HHAT: variants seen among roughly 807,000 people sequenced by gnomAD.
HHAT encodes the protein protein-cysteine N-palmitoyltransferase HHAT.
A neutral mutation model predicts 70.8 loss-of-function variants in HHAT; 47 were observed. That is an observed-to-expected ratio of 0.66 (90% CI 0.53 to 0.85). The LOEUF (loss-of-function observed/expected upper bound fraction) is 0.85, where lower values mean the gene tolerates loss of function less well. HHAT is among the 40% of genes least tolerant of loss of function. The pLI is 0.00. For synonymous variants in HHAT, 228 were observed against 247.6 expected (o/e 0.92, Z 0.74); for missense variants, 609 against 604.8 (o/e 1.01, Z -0.07).
At chr1:210,530,909 CT>C (rs1309063473) in intron 9 of HHAT, among the ~76,000 whole-genome samples, 1 of 152,090 alleles carries the variant, frequency 6.6e-6, no homozygotes, top group Non-Finnish European at 1.5e-5. Context: ...GTCACAATTT[CT>C]GTTTTATAAG....
At chr1:210,560,755 G>A (rs2095613914) in intron 9 of HHAT, among the ~76,000 whole-genome samples, 1 of 129,026 alleles carries the variant, frequency 7.8e-6, no homozygotes, top group Non-Finnish European at 1.6e-5. Context: ...TGAGGCTACA[G>A]TGAGCTATGA....
chr1:210,452,858 T>G (rs2093782220), intron 7 of HHAT, among the ~76,000 whole-genome samples: 1 of 152,124 alleles, frequency 6.6e-6, no homozygotes, highest in African/African-American at 2.4e-5. Context: ...AAAGTGAAAA[T>G]AATTGAAAGT....
intron 10 of HHAT, among the ~76,000 whole-genome samples, chr1:210,601,937 CAGAGAG>C (rs147826172): frequency 2.7e-5 from 4 of 147,214 alleles, no homozygotes; most frequent in African/African-American, 5.1e-5. Flanking sequence ...ATTTGAGACT[CAGAGAG>C]AGAGAGAGAG....
intron 9 of HHAT, among the ~76,000 whole-genome samples, chr1:210,539,566 C>T (rs529333277): frequency 1.7e-4 from 26 of 152,222 alleles, no homozygotes; most frequent in Non-Finnish European, 2.8e-4. Context: ...GATTCTTCTT[C>T]GAGGATTTTG....
intron 8 of HHAT, among the ~76,000 whole-genome samples, chr1:210,490,857 T>G (rs1326356687): frequency 6.6e-6 from 1 of 152,142 alleles, no homozygotes; most frequent in African/African-American, 2.4e-5. Context: ...TTTTTACTTT[T>G]CAAGTAGAAA....
chr1:210,561,611 TA>T (rs1179634025), intron 9 of HHAT, among the ~76,000 whole-genome samples: 3 of 152,242 alleles, frequency 2.0e-5, no homozygotes, highest in Non-Finnish European at 4.4e-5. Flanking sequence ...CACATTACCT[TA>T]AACTGCTGTC....
At chr1:210,485,533 T>C (rs1222145796) in intron 8 of HHAT, among the ~76,000 whole-genome samples, 1 of 152,096 alleles carries the variant, frequency 6.6e-6, no homozygotes, top group Non-Finnish European at 1.5e-5. Flanking sequence ...TCTATATCAG[T>C]CAATTTTCAC....
chr1:210,338,331 G>T (rs929216937), intron 1 of HHAT, among the ~76,000 whole-genome samples: 1 of 152,080 alleles, frequency 6.6e-6, no homozygotes, highest in Non-Finnish European at 1.5e-5. Flanking sequence ...CAGAGAGTGA[G>T]ACCTTGTTTC....
At chr1:210,363,283 G>T (rs2088559837) in intron 3 of HHAT, among the ~76,000 whole-genome samples, 1 of 152,136 alleles carries the variant, frequency 6.6e-6, no homozygotes, top group Non-Finnish European at 1.5e-5. Context: ...CTTCCTTCTG[G>T]CCTCTGAGTG....
intron 9 of HHAT, among the ~76,000 whole-genome samples, chr1:210,514,241 C>T (rs1203894682): frequency 1.3e-5 from 2 of 152,202 alleles, no homozygotes; most frequent in African/African-American, 4.8e-5. Flanking sequence ...CAAGTCTGCA[C>T]AATGAAATCT....
chr1:210,645,388 C>T (rs974080899), intron 11 of HHAT, among the ~76,000 whole-genome samples: 3 of 152,234 alleles, frequency 2.0e-5, no homozygotes, highest in Non-Finnish European at 4.4e-5. Flanking sequence ...CGCCATTCTC[C>T]TGCCTCAGCC....
At chr1:210,501,767 T>C (rs1433615664) in intron 8 of HHAT, among the ~76,000 whole-genome samples, 3 of 152,162 alleles carry the variant, frequency 2.0e-5, no homozygotes, top group African/African-American at 7.2e-5. Context: ...TCATAGGCAT[T>C]TCACCTCTGA....
chr1:210,352,684 C>T (rs2087154614), intron 2 of HHAT, among the ~76,000 whole-genome samples: 1 of 152,176 alleles, frequency 6.6e-6, no homozygotes, highest in South Asian at 2.1e-4. Context: ...CTGATTTTAA[C>T]AGCCTTAGTC....
chr1:210,647,913 A>C (rs1674401526), intron 11 of HHAT, among the ~76,000 whole-genome samples: 1 of 152,194 alleles, frequency 6.6e-6, no homozygotes, highest in East Asian at 1.9e-4. Flanking sequence ...GTGGGGCTTT[A>C]AATCTGCAAT....
At chr1:210,396,225 T>A (rs1298198037) in intron 4 of HHAT, among the ~76,000 whole-genome samples, 26 of 152,154 alleles carry the variant, frequency 1.7e-4, no homozygotes, top group Non-Finnish European at 3.4e-4. Flanking sequence ...TCATCTCCTA[T>A]TAGAAATGGA....
At chr1:210,649,857 A>G (rs1247865669) in intron 11 of HHAT, among the ~76,000 whole-genome samples, 1 of 152,244 alleles carries the variant, frequency 6.6e-6, no homozygotes, top group Non-Finnish European at 1.5e-5. Flanking sequence ...TAAAACCACA[A>G]GGCACTTATG....
chr1:210,403,465 A>G (rs1402341261), intron 5 of HHAT, among the ~76,000 whole-genome samples: 2 of 152,230 alleles, frequency 1.3e-5, no homozygotes, highest in Admixed American at 1.3e-4. Context: ...AAAAACACTG[A>G]GGAAGGAGAT....
chr1:210,628,679 C>G (rs73063640), intron 11 of HHAT, among the ~76,000 whole-genome samples: 42 of 152,264 alleles, frequency 2.8e-4, no homozygotes, highest in African/African-American at 9.6e-4. Flanking sequence ...TATTTTCTTG[C>G]TATTTCTAGC....
chr1:210,673,810 T>G (rs1457130811), intron 11 of HHAT, among the ~76,000 whole-genome samples: 2 of 140,428 alleles, frequency 1.4e-5, no homozygotes, highest in Non-Finnish European at 3.1e-5. Flanking sequence ...TATTTATTTA[T>G]TTATGGTAGA....
Sources: gnomAD v4.1 joint callset for allele counts (sites outside exome capture counted in the v4.1 genomes callset) on GRCh38, gnomAD v4.1.1 for gene constraint, MANE v1.5 for transcripts, NCBI Gene and HGNC (gene_info 2026-07-23, HGNC 2026-07-21) for gene names.